The following RALGAPA1 variants were observed in gnomAD, a reference collection of about 807,000 sequenced individuals.
RALGAPA1 encodes Ral GTPase activating protein catalytic subunit alpha 1.
Under a neutral mutation model 269.6 loss-of-function variants are expected in RALGAPA1, and 52 were observed. The observed-to-expected ratio is 0.19, with a 90% confidence interval of 0.15 to 0.24. The LOEUF is 0.24. RALGAPA1 is among the 10% of genes least tolerant of loss of function. The pLI is 1.00. For missense variants in RALGAPA1, 1,917 were observed against 3,013.9 expected (o/e 0.64, Z 8.52); for synonymous variants, 817 against 1,008.3 (o/e 0.81, Z 3.60).
At chr14:35,778,012 T>C (rs1281963861) in intron 1 of RALGAPA1, among the ~76,000 whole-genome samples, 2 of 152,174 alleles carry the variant, frequency 1.3e-5, no homozygotes, top group African/African-American at 2.4e-5. Context: ...TAACAACATA[T>C]AGATAGCACT....
chr14:35,759,467 T>C (rs958219744), intron 6 of RALGAPA1, among the ~76,000 whole-genome samples: 1 of 152,142 alleles, frequency 6.6e-6, no homozygotes, highest in African/African-American at 2.4e-5. Flanking sequence ...CCCAGTCTGG[T>C]TATTGCAGCC....
intron 39 of RALGAPA1, among the ~76,000 whole-genome samples, chr14:35,565,609 C>T (rs2056633914): frequency 6.6e-6 from 1 of 152,006 alleles, no homozygotes; most frequent in Non-Finnish European, 1.5e-5. Context: ...TTGCCAGCGC[C>T]CACAACTACA....
chr14:35,761,202 T>C (rs1410431382), intron 5 of RALGAPA1, among the ~76,000 whole-genome samples, 196 bp from the exon 6 acceptor site: 1 of 152,234 alleles, frequency 6.6e-6, no homozygotes, highest in Non-Finnish European at 1.5e-5. Flanking sequence ...CATGGATTTT[T>C]AACAAGTATA....
intron 39 of RALGAPA1, among the ~76,000 whole-genome samples, chr14:35,569,887 A>AT (rs1420033096): frequency 1.3e-5 from 2 of 152,182 alleles, no homozygotes; most frequent in Non-Finnish European, 2.9e-5. Context: ...TGCAATGACT[A>AT]TTTTGATTAC....
At chr14:35,634,549 T>G in intron 33 of RALGAPA1, 25 bp downstream of exon 33, 1 of 1,576,590 alleles carries the variant, frequency 6.3e-7, no homozygotes, top group Non-Finnish European at 8.6e-7. Context: ...AGCAACAATA[T>G]TGTCCTGAAC....
chr14:35,762,244 C>T (rs531385100), intron 5 of RALGAPA1, among the ~76,000 whole-genome samples: 3 of 150,882 alleles, frequency 2.0e-5, no homozygotes, highest in Admixed American at 6.6e-5. Context: ...ACTCTTGCTA[C>T]GTTTTTTTTT....
chr14:35,782,955 G>A (rs1595540060), intron 1 of RALGAPA1, among the ~76,000 whole-genome samples: 1 of 151,706 alleles, frequency 6.6e-6, no homozygotes, highest in East Asian at 1.9e-4. Flanking sequence ...CTGAGTCACT[G>A]GGACTACAAG....
At chr14:35,554,537 G>T (rs1007459082) in intron 39 of RALGAPA1, among the ~76,000 whole-genome samples, 2 of 150,888 alleles carry the variant, frequency 1.3e-5, no homozygotes, top group African/African-American at 4.9e-5. Context: ...TAGTAGAGAC[G>T]GGGTTTCACC....
At chr14:35,593,650 A>G (rs1202886629) in intron 37 of RALGAPA1, among the ~76,000 whole-genome samples, 1 of 152,018 alleles carries the variant, frequency 6.6e-6, no homozygotes, top group South Asian at 2.1e-4. Flanking sequence ...CTTGAGCTCA[A>G]AAGTTTGAGA....
chr14:35,808,815 G>A lies in RALGAPA1; in HGVS notation c.21C>T (p.His7=). The A allele has an allele frequency of 6.2e-7, 1 of 1,611,362 alleles. No individual in the cohort carries two copies. Among genetic ancestry groups the A allele is most frequent in the East Asian group, 2.2e-5 (1 of 44,854 alleles). The change falls in exon 1 of 42, where the codon CAC becomes CAT. Residue 7 remains histidine (H), a synonymous_variant. Transcript: ENST00000680220. ...TCTGGGTGGACTTCTTCACGTCCCC[G>A]TGCGGCTTCTTGGAGAACATCCTGT... MFSKKP[H]GDVKKSTQKV...
chr14:35,588,852 T>G (rs1054711129), intron 37 of RALGAPA1, among the ~76,000 whole-genome samples: 1 of 152,200 alleles, frequency 6.6e-6, no homozygotes, highest in Non-Finnish European at 1.5e-5. Flanking sequence ...ATGGAATCAA[T>G]CTAAGAGTCC....
In RALGAPA1 at chr14:35,608,534, T is replaced by A. The variant is rs112371634; in HGVS notation, c.6930-2825A>T. Among the ~76,000 whole-genome samples the A allele has an allele frequency of 2.1e-3, 324 of 152,216 alleles. 1 individual carries two copies. Among genetic ancestry groups the A allele is most frequent in the Admixed American group, 3.4e-3 (52 of 15,286 alleles). ...AGGAATGGAAACAAGTACCATAAAA[T>A]AGAAACCAACAGAGCTACAGTGGCT... On this transcript the variant is annotated intron_variant, in intron 35 of 41. Transcript: ENST00000680220.
At chr14:35,703,934 G>A (rs1421141736) in intron 16 of RALGAPA1, among the ~76,000 whole-genome samples, 2 of 151,636 alleles carry the variant, frequency 1.3e-5, no homozygotes, top group Non-Finnish European at 2.9e-5. Context: ...GCACTCTAGA[G>A]TTTCCGTATA....
intron 31 of RALGAPA1, among the ~76,000 whole-genome samples, chr14:35,645,346 G>GGTGGGTGTGTGT (rs1555387899): frequency 4.1e-4 from 53 of 129,562 alleles, no homozygotes; most frequent in South Asian, 1.7e-3. Context: ...TATAGAGATG[G>GGTGGGTGTGTGT]GTGTGTGTGT....
At chr14:35,658,843 A>G (rs1289539094) in intron 28 of RALGAPA1, among the ~76,000 whole-genome samples, 1 of 152,008 alleles carries the variant, frequency 6.6e-6, no homozygotes, top group Non-Finnish European at 1.5e-5. Flanking sequence ...GACATTGACA[A>G]ATATAACTGA....
At chr14:35,740,251 T>A (rs543981865) in intron 11 of RALGAPA1, among the ~76,000 whole-genome samples, 2 of 152,354 alleles carry the variant, frequency 1.3e-5, no homozygotes, top group African/African-American at 4.8e-5. Context: ...AGAAGTTATG[T>A]GAAGGTAGAA....
At chr14:35,766,729 T>C in intron 4 of RALGAPA1, 1 of 549,192 alleles carries the variant, frequency 1.8e-6, no homozygotes. Flanking sequence ...GCACAGAAAG[T>C]GAGATGCCTC....
At chr14:35,581,333 T>C (rs1324420570) in intron 37 of RALGAPA1, among the ~76,000 whole-genome samples, 3 of 152,102 alleles carry the variant, frequency 2.0e-5, no homozygotes, top group Non-Finnish European at 4.4e-5. Context: ...GAAATCAATG[T>C]TTATAAGGTT....
At chr14:35,746,115 G>A (rs2072070973) in intron 10 of RALGAPA1, among the ~76,000 whole-genome samples, 1 of 152,082 alleles carries the variant, frequency 6.6e-6, no homozygotes, top group South Asian at 2.1e-4. Flanking sequence ...CAACAACATG[G>A]ATTAATCCAG....
Sources: gnomAD v4.1 joint callset for allele counts (sites outside exome capture counted in the v4.1 genomes callset) on GRCh38, gnomAD v4.1.1 for gene constraint, MANE v1.5 for transcripts, NCBI Gene and HGNC (gene_info 2026-07-23, HGNC 2026-07-21) for gene names.